NMNAT1: variants seen among roughly 807,000 people sequenced by gnomAD.
NMNAT1 encodes the protein nicotinamide/nicotinic acid mononucleotide adenylyltransferase 1.
A neutral mutation model predicts 16.7 loss-of-function variants in NMNAT1; 11 were observed. The ratio of observed to expected loss-of-function variants is 0.66; its 90% confidence interval spans 0.41 to 1.09. The LOEUF (loss-of-function observed/expected upper bound fraction) is 1.09. Ranked by LOEUF, NMNAT1 falls within the 50% of genes least tolerant of loss-of-function variation. The pLI is 0.00. For missense variants in NMNAT1, 280 were observed against 332.3 expected (o/e 0.84, Z 1.22); for synonymous variants, 110 against 119.8 (o/e 0.92, Z 0.53).
intron 1 of NMNAT1, among the ~76,000 whole-genome samples, chr1:9,957,354 G>T (rs374631585): frequency 6.7e-6 from 1 of 149,892 alleles, no homozygotes; most frequent in East Asian, 2.0e-4. Context: ...TTTTTGAGAC[G>T]CAGTCTCACT....
chr1:9,948,122 G>A (rs1202751316), intron 1 of NMNAT1, among the ~76,000 whole-genome samples: 3 of 152,116 alleles, frequency 2.0e-5, no homozygotes, highest in Non-Finnish European at 2.9e-5. Context: ...TGTTGGTGGC[G>A]TCAAGGGATA....
At chr1:9,948,561 G>A (rs1206455497) in intron 1 of NMNAT1, among the ~76,000 whole-genome samples, 2 of 152,032 alleles carry the variant, frequency 1.3e-5, no homozygotes, top group Non-Finnish European at 2.9e-5. Flanking sequence ...GTGATAGAGC[G>A]AGACCCTGTC....
chr1:9,971,102 G>C (rs912166922), intron 1 of NMNAT1, among the ~76,000 whole-genome samples: 2 of 152,124 alleles, frequency 1.3e-5, no homozygotes, highest in African/African-American at 4.8e-5. Context: ...CCCCACATGT[G>C]GGGTGGTTGT....
At chr1:9,968,401 G>C (rs933588981) in intron 1 of NMNAT1, among the ~76,000 whole-genome samples, 3 of 151,072 alleles carry the variant, frequency 2.0e-5, no homozygotes, top group Non-Finnish European at 4.4e-5. Flanking sequence ...TCTTGGATCT[G>C]TATTGTTTCA....
intron 3 of NMNAT1, among the ~76,000 whole-genome samples, chr1:9,979,818 A>G (rs1413344760): frequency 6.6e-6 from 1 of 151,478 alleles, no homozygotes; most frequent in East Asian, 1.9e-4. Flanking sequence ...AAAAAAAAAA[A>G]TTGTTATTGA....
At chr1:9,955,403 C>CAAAAAA (rs71583829) in intron 1 of NMNAT1, among the ~76,000 whole-genome samples, 14 of 90,694 alleles carry the variant, frequency 1.5e-4, no homozygotes, top group East Asian at 6.3e-4. Context: ...GACTTTGTCT[C>CAAAAAA]AAAAAAAAAA....
intron 1 of NMNAT1, among the ~76,000 whole-genome samples, chr1:9,954,337 G>C (rs1641197692): frequency 6.6e-6 from 1 of 151,844 alleles, no homozygotes. Context: ...AACCTCCCAA[G>C]TAGCAGGGAC....
intron 1 of NMNAT1, among the ~76,000 whole-genome samples, chr1:9,956,946 G>T (rs1314452425): frequency 1.3e-5 from 2 of 151,472 alleles, no homozygotes; most frequent in Non-Finnish European, 2.9e-5. Flanking sequence ...TGGTCATGCT[G>T]GTCTCAAACT....
At chr1:9,964,306 A>G (rs1641493257) in intron 1 of NMNAT1, among the ~76,000 whole-genome samples, 1 of 151,478 alleles carries the variant, frequency 6.6e-6, no homozygotes, top group Non-Finnish European at 1.5e-5. Context: ...GGGCTCAAGC[A>G]ATCCTCCCAC....
At chr1:9,980,389 C>T (rs1434556171) in intron 3 of NMNAT1, among the ~76,000 whole-genome samples, 8 of 151,230 alleles carry the variant, frequency 5.3e-5, no homozygotes, top group Non-Finnish European at 1.0e-4. Flanking sequence ...GAGGCTGAGG[C>T]GGGCAGATCG....
chr1:9,963,329 T>C (rs560923581), intron 1 of NMNAT1, among the ~76,000 whole-genome samples: 12 of 152,212 alleles, frequency 7.9e-5, no homozygotes, highest in Admixed American at 2.0e-4. Flanking sequence ...GACACAGGTG[T>C]TTTCAGTATT....
intron 3 of NMNAT1, 109 bp from the exon 4 acceptor site, chr1:9,980,922 C>T (rs1641933366): frequency 5.7e-6 from 7 of 1,234,410 alleles, no homozygotes; most frequent in Non-Finnish European, 6.5e-6. Flanking sequence ...TCCCAAAGTG[C>T]TGGGATTACA....
downstream of NMNAT1, among the ~76,000 whole-genome samples, chr1:9,989,275 T>C (rs781151444): frequency 1.3e-5 from 2 of 152,032 alleles, no homozygotes; most frequent in Non-Finnish European, 2.9e-5. Flanking sequence ...CTGGCCAACA[T>C]GGCGAAACCC....
At position 9,963,412 on chromosome 1, in the gene NMNAT1, C is replaced by CT. The variant is rs546237656; in HGVS notation, c.-56-8593dup. On this transcript the variant is annotated intron_variant, in intron 1 of 4. Transcript: ENST00000377205. ...CAGATTTATTTTTAACCCACTATTT[C>CT]TTTTTTTTTTTTTCCAAGATGGCGT... Among the ~76,000 whole-genome samples, 877 of 144,882 alleles carry CT rather than the reference C, an allele frequency of 6.1e-3. 1 individual carries two copies. Among genetic ancestry groups the CT allele is most frequent in the East Asian group, 0.014 (72 of 5,008 alleles).
chr1:9,979,304 C>A (rs6694110), intron 3 of NMNAT1, among the ~76,000 whole-genome samples: 146,917 of 152,030 alleles, frequency 0.97, 71,183 homozygotes, highest in South Asian at 1. Flanking sequence ...CTCATCTCTC[C>A]AAAAAACTAA....
intron 3 of NMNAT1, among the ~76,000 whole-genome samples, chr1:9,976,460 A>G (rs1641816107): frequency 6.6e-6 from 1 of 150,876 alleles, no homozygotes; most frequent in Admixed American, 6.8e-5. Flanking sequence ...AGATAATTTA[A>G]GGAAGAGAAG....
the NMNAT1 span, among the ~76,000 whole-genome samples, chr1:9,991,697 C>A: frequency 6.6e-6 from 1 of 151,880 alleles, no homozygotes; most frequent in Non-Finnish European, 1.5e-5. Flanking sequence ...TGGAAAGCTT[C>A]ATGGAAAAGG....
intron 1 of NMNAT1, among the ~76,000 whole-genome samples, chr1:9,966,612 CA>C (rs34212244): frequency 0.96 from 145,348 of 151,084 alleles, 70,120 homozygotes; most frequent in Non-Finnish European, 1. Flanking sequence ...GACTTAGTCT[CA>C]AAAAAAAAAG....
intron 3 of NMNAT1, 51 bp downstream of exon 3, chr1:9,975,826 C>A (rs767202046): frequency 1.4e-6 from 2 of 1,413,920 alleles, no homozygotes; most frequent in East Asian, 4.6e-5. Context: ...GGCTAAGCGG[C>A]TTATGTTTTT....
Sources: allele counts gnomAD v4.1 joint callset (sites outside exome capture counted in the v4.1 genomes callset), GRCh38; gene constraint gnomAD v4.1.1; transcripts MANE v1.5; gene names NCBI Gene and HGNC (gene_info 2026-07-23, HGNC 2026-07-21).